WDR33: variants seen among roughly 807,000 people sequenced by gnomAD.
The protein encoded by WDR33 is WD repeat domain 33.
In WDR33, 47 loss-of-function variants were observed where a neutral mutation model predicts 164.9. The observed-to-expected ratio is 0.29, with a 90% CI of 0.23 to 0.36. The LOEUF (loss-of-function observed/expected upper bound fraction) is 0.36, where lower values mean the gene tolerates loss of function less well. Ranked by LOEUF, WDR33 falls within the 10% of genes least tolerant of loss-of-function variation. The pLI is 1.00. For synonymous variants in WDR33, 505 were observed against 589.0 expected, an observed-to-expected ratio of 0.86 and a Z score of 2.06; for missense variants, 1,137 against 1,754.1, an observed-to-expected ratio of 0.65 and a Z score of 6.28.
chr2:127,796,492 T>C (rs762464053), intron 1 of WDR33, among the ~76,000 whole-genome samples: 4 of 152,040 alleles, frequency 2.6e-5, no homozygotes, highest in East Asian at 1.9e-4. Context: ...ATAGGTCCCA[T>C]TGCTTGAGCT....
chr2:127,746,041 T>TTA (rs1340510824), intron 7 of WDR33, among the ~76,000 whole-genome samples: 2 of 99,902 alleles, frequency 2.0e-5, no homozygotes, highest in Non-Finnish European at 4.3e-5. Flanking sequence ...ATAAAATAAT[T>TTA]AAAAAAAAAA....
intron 1 of WDR33, among the ~76,000 whole-genome samples, chr2:127,791,640 G>A (rs1352000569): frequency 6.6e-6 from 1 of 152,084 alleles, no homozygotes; most frequent in Non-Finnish European, 1.5e-5. Flanking sequence ...CACACTGGGG[G>A]TTACTACTTC....
At chr2:127,734,267 ACT>A (rs1266509461) in intron 7 of WDR33, among the ~76,000 whole-genome samples, 1 of 152,228 alleles carries the variant, frequency 6.6e-6, no homozygotes, top group African/African-American at 2.4e-5. Context: ...AATTAATCAC[ACT>A]GAGTTATTTT....
chr2:127,762,353 C>A lies in WDR33; in HGVS notation c.724+709G>T, dbSNP rs974395834. 33 of 274,674 alleles carry A rather than the reference C, an allele frequency of 1.2e-4. No homozygotes were observed. The Admixed American group carries it at 2.1e-3, about 17-fold the overall frequency. 17.0% of individuals were successfully genotyped at this position (274,674 alleles called of 1,614,324 possible). ...TGATGTTTGTATTGCATATATACAA[C>A]AAATTCCTTAACTCTACCACCACTG... On this transcript the variant is annotated intron_variant, in intron 7 of 21. Coordinates refer to ENST00000322313, the MANE Select transcript of WDR33 (RefSeq NM_018383.5).
chr2:127,806,432 T>C (rs557595726), intron 1 of WDR33, among the ~76,000 whole-genome samples: 25 of 152,178 alleles, frequency 1.6e-4, no homozygotes, highest in Non-Finnish European at 3.1e-4. Context: ...GGTCTCAAAC[T>C]CCTGACCTCA....
At chr2:127,782,607 T>C (rs1379849391) in intron 1 of WDR33, among the ~76,000 whole-genome samples, 1 of 152,180 alleles carries the variant, frequency 6.6e-6, no homozygotes, top group Non-Finnish European at 1.5e-5. Context: ...AGAAAAATAT[T>C]AGACGGGAAT....
intron 1 of WDR33, among the ~76,000 whole-genome samples, chr2:127,799,990 A>C (rs1689180746): frequency 6.6e-6 from 1 of 152,214 alleles, no homozygotes; most frequent in Non-Finnish European, 1.5e-5. Context: ...TGTTAGTGAG[A>C]ATGTGGAGAA....
chr2:127,755,425 T>G (rs1239994766), intron 7 of WDR33, among the ~76,000 whole-genome samples: 3 of 152,218 alleles, frequency 2.0e-5, no homozygotes, highest in Non-Finnish European at 4.4e-5. Context: ...AAAGCCATGT[T>G]CCTCTACCAT....
At chr2:127,736,980 A>T (rs1309351358) in intron 7 of WDR33, 1 of 985,260 alleles carries the variant, frequency 1.0e-6, no homozygotes, top group Non-Finnish European at 1.2e-6. Flanking sequence ...AAAAGGTACA[A>T]TATTATTCCA....
intron 21 of WDR33, among the ~76,000 whole-genome samples, chr2:127,707,908 A>G (rs1304502688): frequency 1.3e-5 from 2 of 152,188 alleles, no homozygotes; most frequent in Non-Finnish European, 2.9e-5. Flanking sequence ...GCAGTAAGCC[A>G]AGATCACACC....
At chr2:127,749,671 A>G (rs1687261321) in intron 7 of WDR33, among the ~76,000 whole-genome samples, 1 of 151,852 alleles carries the variant, frequency 6.6e-6, no homozygotes, top group African/African-American at 2.4e-5. Context: ...CAAAAAAAAA[A>G]AAAAAAAGAA....
intron 1 of WDR33, among the ~76,000 whole-genome samples, chr2:127,773,642 G>C (rs1688084841): frequency 6.6e-6 from 1 of 152,004 alleles, no homozygotes; most frequent in Admixed American, 6.5e-5. Flanking sequence ...GATTCAATAA[G>C]GCTGGTGGAA....
chr2:127,764,355 T>A lies in WDR33; in HGVS notation c.626+473A>T. On this transcript the variant is annotated intron_variant, in intron 6 of 21. Coordinates refer to ENST00000322313, the MANE Select transcript of WDR33 (RefSeq NM_018383.5). This position sits in a 1 kb window ranked among gnomAD's most constrained non-coding sequence, Gnocchi z 6.2. ...ATCTGTGAGGGTTTTAGTCCTATAC[T>A]TTCCTTTGGAAGTCGTGGCATAACC... The A allele has an allele frequency of 1.4e-6, 2 of 1,422,794 alleles. No homozygotes were observed. The highest frequency in any genetic ancestry group is 1.8e-6 in the Non-Finnish European group (2 of 1,090,368). The allele number at this position is 1,422,794 out of a possible 1,614,324, so 88.1% of individuals were successfully genotyped here.
In WDR33 at chr2:127,712,121, C is replaced by T. The variant is rs1043194538; in HGVS notation, c.3308+1462G>A. The stretch of plus-strand genomic sequence containing the variant: ...TAAGAAATGGAATGAAAGGACCAGG[C>T]GCAGTGGCTCACGCCTATAATCCCT... On this transcript the variant is annotated intron_variant, in intron 18 of 21. Coordinates refer to ENST00000322313, the MANE Select transcript of WDR33 (RefSeq NM_018383.5). This position sits in a 1 kb window ranked among gnomAD's most constrained non-coding sequence, Gnocchi z 4.0. Among the ~76,000 whole-genome samples the T allele has an allele frequency of 7.4e-4, 113 of 152,090 alleles. 1 individual carries two copies. The highest frequency in any genetic ancestry group is 2.6e-3 in the African/African-American group (107 of 41,502).
At chr2:127,791,154 T>TCC (rs1455748728) in intron 1 of WDR33, among the ~76,000 whole-genome samples, 117 of 76,854 alleles carry the variant, frequency 1.5e-3, no homozygotes, top group Middle Eastern at 6.9e-3. Flanking sequence ...CCAAACTCTT[T>TCC]CCCCACCCCA....
intron 7 of WDR33, chr2:127,737,938 A>G (rs1191268952): frequency 3.0e-5 from 48 of 1,578,466 alleles, no homozygotes; most frequent in Non-Finnish European, 3.9e-5. Flanking sequence ...TTTTGCCAGA[A>G]TCTTCTTGGG....
chr2:127,787,496 C>T (rs1424995105), intron 1 of WDR33, among the ~76,000 whole-genome samples: 1 of 139,312 alleles, frequency 7.2e-6, no homozygotes, highest in Non-Finnish European at 1.5e-5. Flanking sequence ...GCTGACCCCC[C>T]CCACCTCCCT....
At chr2:127,787,436 G>C (rs989292429) in intron 1 of WDR33, among the ~76,000 whole-genome samples, 2 of 131,432 alleles carry the variant, frequency 1.5e-5, no homozygotes, top group African/African-American at 6.6e-5. Context: ...AGGGGTGGCC[G>C]GGCAGAGGCG....
rs182796083 is a variant in WDR33, at chr2:127,809,569, G to C, written c.-24+1443C>G. On this transcript the variant is annotated intron_variant, in intron 1 of 21. Transcript: ENST00000322313. ...TCTTGCCTCAGCCTCCCGAGTAGCT[G>C]GGATTACAGGCGCCCACCACCACAC... 1.2e-3 allele frequency among the ~76,000 whole-genome samples: 175 copies of C among 151,618 alleles called. 1 individual carries two copies. Among genetic ancestry groups the C allele is most frequent in the Non-Finnish European group, 2.3e-3 (153 of 67,942 alleles).
Sources: allele counts gnomAD v4.1 joint callset (sites outside exome capture counted in the v4.1 genomes callset), GRCh38; gene constraint gnomAD v4.1.1; non-coding constraint Gnocchi (gnomAD v3.1); transcripts MANE v1.5; gene names NCBI Gene and HGNC (gene_info 2026-07-23, HGNC 2026-07-21).